JMJD1C: variants seen among roughly 807,000 people sequenced by gnomAD.
The protein encoded by JMJD1C is jumonji domain containing 1C.
Under a neutral mutation model 245.3 loss-of-function variants are expected in JMJD1C, and 31 were observed. That is an observed-to-expected ratio of 0.13 (90% confidence interval 0.09 to 0.17). The LOEUF is 0.17. JMJD1C is among the 10% of genes least tolerant of loss of function. The probability of loss-of-function intolerance (pLI) is 1.00; values close to 1 mark genes in which losing one functional copy is unlikely to be tolerated. For missense variants in JMJD1C, 2,691 were observed against 3,000.2 expected (o/e 0.90, Z 2.41); for synonymous variants, 1,057 against 1,017.4 (o/e 1.04, Z -0.74).
intron 24 of JMJD1C, among the ~76,000 whole-genome samples, chr10:63,174,758 C>T (rs1442694836): frequency 1.3e-5 from 2 of 151,896 alleles, no homozygotes; most frequent in East Asian, 1.9e-4. Flanking sequence ...CGCTTGAACC[C>T]GGAAGGCAGA....
At chr10:63,336,362 G>T (rs533477650) in intron 2 of JMJD1C, among the ~76,000 whole-genome samples, 1 of 152,098 alleles carries the variant, frequency 6.6e-6, no homozygotes, top group African/African-American at 2.4e-5. Flanking sequence ...GGAGGCTGAC[G>T]CAGGAGAACT....
At chr10:63,360,155 T>G (rs1301164433) in intron 2 of JMJD1C, among the ~76,000 whole-genome samples, 1 of 151,928 alleles carries the variant, frequency 6.6e-6, no homozygotes, top group East Asian at 1.9e-4. Context: ...CTTAAAAAAA[T>G]TAAAGAAAAA....
intron 2 of JMJD1C, among the ~76,000 whole-genome samples, chr10:63,266,448 G>C (rs563736272): frequency 6.6e-6 from 1 of 152,052 alleles, no homozygotes; most frequent in South Asian, 2.1e-4. Context: ...AAATTCAAGA[G>C]CATTTATTGT....
chr10:63,365,207 G>C (rs911621992), intron 2 of JMJD1C, among the ~76,000 whole-genome samples: 7 of 152,132 alleles, frequency 4.6e-5, no homozygotes, highest in Admixed American at 1.3e-4. Flanking sequence ...CCTTAGCCAA[G>C]CCAGGCACTT....
chr10:63,504,859 T>C (rs746610520), intron 1 of JMJD1C, among the ~76,000 whole-genome samples: 6 of 151,890 alleles, frequency 4.0e-5, no homozygotes, highest in Admixed American at 1.3e-4. Context: ...CTACAAAAAA[T>C]AAAAATAAAA....
upstream of JMJD1C, among the ~76,000 whole-genome samples, chr10:63,469,129 G>T (rs189219526): frequency 1.7e-4 from 26 of 152,308 alleles, no homozygotes; most frequent in South Asian, 3.1e-3. Flanking sequence ...GTATGTAACT[G>T]TGGAAAGTGT....
intron 1 of JMJD1C, among the ~76,000 whole-genome samples, chr10:63,421,737 A>G (rs955427451): frequency 2.6e-4 from 40 of 152,306 alleles, no homozygotes; most frequent in South Asian, 1.0e-3. Context: ...AGACTGGAGT[A>G]CTTTTAAGAG....
At chr10:63,438,969 A>T (rs554433705) in intron 1 of JMJD1C, among the ~76,000 whole-genome samples, 1 of 152,178 alleles carries the variant, frequency 6.6e-6, no homozygotes, top group East Asian at 1.9e-4. Flanking sequence ...ACTGATTTCC[A>T]TAAGGGCAGC....
rs565127217 is a variant in JMJD1C at position 63,377,244 on chromosome 10, CG to C, written c.333+3073del. On this transcript the variant is annotated intron_variant, in intron 2 of 25. Coordinates refer to ENST00000399262, the MANE Select transcript of JMJD1C (RefSeq NM_032776.3). ...AAAGTAGAATGGTGGGCCAGGAAGA[CG>C]GGGGAATAAGGAACTGCTCTTTAAT... Among the ~76,000 whole-genome samples, 187 of 152,150 alleles carry C rather than the reference CG, an allele frequency of 1.2e-3. 1 individual carries two copies. Among genetic ancestry groups the C allele is most frequent in the African/African-American group, 4.5e-3 (185 of 41,496 alleles).
chr10:63,197,600 C>G, intron 12 of JMJD1C, 37 bp from the exon 13 acceptor site: 1 of 1,474,616 alleles, frequency 6.8e-7, no homozygotes, highest in Non-Finnish European at 9.0e-7. Context: ...TAAAGGCAAA[C>G]ATGCTCTTTT....
chr10:63,432,005 C>T (rs771475543), intron 1 of JMJD1C, among the ~76,000 whole-genome samples: 2 of 152,050 alleles, frequency 1.3e-5, no homozygotes, highest in Admixed American at 6.5e-5. Context: ...AGCAAGACTC[C>T]GTCTGAAAAG....
At chr10:63,296,800 T>G (rs945178633) in intron 2 of JMJD1C, among the ~76,000 whole-genome samples, 3 of 152,216 alleles carry the variant, frequency 2.0e-5, no homozygotes, top group Non-Finnish European at 4.4e-5. Flanking sequence ...TATCTAGCTG[T>G]AAAAGATAGT....
chr10:63,501,152 G>C (rs979622471), intron 1 of JMJD1C, among the ~76,000 whole-genome samples: 2 of 152,128 alleles, frequency 1.3e-5, no homozygotes, highest in Non-Finnish European at 2.9e-5. Flanking sequence ...CGCGGTAGCT[G>C]AATCAGGACA....
chr10:63,487,040 T>C (rs924382193), intron 1 of JMJD1C, among the ~76,000 whole-genome samples: 2 of 152,190 alleles, frequency 1.3e-5, no homozygotes, highest in South Asian at 2.1e-4. Context: ...CATCACAAAA[T>C]TGAAGGAGGA....
intron 1 of JMJD1C, among the ~76,000 whole-genome samples, chr10:63,505,817 C>A (rs527980313): frequency 7.7e-6 from 1 of 129,610 alleles, no homozygotes; most frequent in South Asian, 2.9e-4. Context: ...CTCCTCCCCC[C>A]ACAGTACCCA....
rs186342369 is a variant in JMJD1C at position 63,275,244 on chromosome 10, T to C, written c.334-10480A>G. ...TACATCATAAGATGGTGTGAAAGCA[T>C]TGTATTTATTTTCATGCTGGTTGGC... On this transcript the variant is annotated intron_variant, in intron 2 of 25. Coordinates refer to ENST00000399262, the MANE Select transcript of JMJD1C (RefSeq NM_032776.3). 5.0e-3 allele frequency among the ~76,000 whole-genome samples: 759 copies of C among 152,238 alleles called. 7 individuals carry two copies. The highest frequency in any genetic ancestry group is 0.014 in the Middle Eastern group (4 of 294).
At position 63,167,554 on chromosome 10, in the gene JMJD1C, A is replaced by T. The variant is rs1270427775; in HGVS notation, c.*491T>A. ...TTTATACTTTACAAATTTTACAATT[A>T]TTTGGCAGTAATTTTCTGATTATGA... On this transcript the variant is annotated 3_prime_UTR_variant, in exon 26 of 26. Transcript: ENST00000399262. 6.5e-6 allele frequency: 1 copy of T among 152,792 alleles called. No individual in the cohort carries two copies. The allele number at this position is 152,792 out of a possible 1,614,324, so 9.5% of individuals were successfully genotyped here. A position where few individuals can be genotyped will look rare whatever the true frequency, so the allele number is the denominator to read the frequency against.
intron 1 of JMJD1C, among the ~76,000 whole-genome samples, chr10:63,504,078 A>G (rs1353327030): frequency 1.3e-5 from 2 of 152,212 alleles, no homozygotes; most frequent in Admixed American, 1.3e-4. Context: ...GGTATACTAC[A>G]TAAAATGTTA....
chr10:63,465,477 G>A lies in JMJD1C; in HGVS notation c.168+18C>T, dbSNP rs541773768. On this transcript the variant is annotated intron_variant, in intron 1 of 25. Transcript: ENST00000399262. ...GTGCGGGCGCGGCAGGGGAAAAGGG[G>A]GGCGCTGACTCTCTTACCGCCAGGT... is the stretch of plus-strand genomic sequence containing the variant. 4 of 1,584,270 alleles carry A rather than the reference G, an allele frequency of 2.5e-6. No homozygotes were observed. Among genetic ancestry groups the A allele is most frequent in the African/African-American group, 2.7e-5 (2 of 74,638 alleles).
Sources: allele counts gnomAD v4.1 joint callset (sites outside exome capture counted in the v4.1 genomes callset), GRCh38; gene constraint gnomAD v4.1.1; transcripts MANE v1.5; gene names NCBI Gene and HGNC (gene_info 2026-07-23, HGNC 2026-07-21).